ITGA4: variants seen among roughly 807,000 people sequenced by gnomAD.
ITGA4 encodes the protein integrin subunit alpha 4, also known as integrin alpha-4.
ITGA4 carries 63 observed loss-of-function variants against 133.6 expected under a neutral mutation model. The ratio of observed to expected loss-of-function variants is 0.47; its 90% CI spans 0.38 to 0.58. The LOEUF is 0.58. ITGA4 is among the 20% of genes least tolerant of loss of function. ITGA4 has a pLI of 0.00. For missense variants in ITGA4, 1,076 were observed against 1,252.7 expected (o/e 0.86, Z 2.13); for synonymous variants, 483 against 438.0 (o/e 1.10, Z -1.28).
At chr2:181,532,860 A>G (rs1686973288) in intron 25 of ITGA4, among the ~76,000 whole-genome samples, 1 of 152,172 alleles carries the variant, frequency 6.6e-6, no homozygotes, top group Non-Finnish European at 1.5e-5. Flanking sequence ...CCCATTCAGT[A>G]TGATATTGGC....
chr2:181,509,532 G>T, intron 15 of ITGA4, 126 bp from the exon 16 acceptor site: 1 of 535,148 alleles, frequency 1.9e-6, no homozygotes, highest in Non-Finnish European at 3.1e-6. Context: ...TAACGGTTTA[G>T]ATAAAAGATA....
rs1007677551 is a variant in ITGA4, at chr2:181,474,995, T to G, written c.355T>G (p.Leu119Val). The G allele has an allele frequency of 6.2e-7, 1 of 1,613,906 alleles. No individual in the cohort carries two copies. The highest frequency in any genetic ancestry group is 1.3e-5 in the African/African-American group (1 of 74,920). ...PNGEPCGKTC[L>V]EERDNQWLGV... Reference sequence around the variant, plus strand: ...TGGAGAACCTTGTGGAAAGACTTGTTTGGAAGAGAGAGACAATCAGTGGTT... The same window carrying G: ...TGGAGAACCTTGTGGAAAGACTTGTGTGGAAGAGAGAGACAATCAGTGGTT... The change falls in exon 3 of 28, where the codon TTG (leucine) becomes GTG (valine). Residue 119 changes from leucine (L) to valine (V), a missense_variant. Coordinates refer to ENST00000397033, the MANE Select transcript of ITGA4 (RefSeq NM_000885.6).
chr2:181,525,017 TGA>T (rs1243464250), intron 20 of ITGA4, among the ~76,000 whole-genome samples, 183 bp from the exon 21 acceptor site: 11 of 152,060 alleles, frequency 7.2e-5, no homozygotes, highest in Non-Finnish European at 1.6e-4. Flanking sequence ...GTTTAAATAA[TGA>T]GAGAAATTTT....
Position 181,537,930 on chromosome 2 carries a change from A to C in ITGA4, c.*2403A>C, listed in dbSNP as rs774086614. 2.3e-5 allele frequency: 14 copies of C among 598,838 alleles called. No homozygotes were observed. Among genetic ancestry groups the C allele is most frequent in the Non-Finnish European group, 4.1e-5 (13 of 318,182 alleles). 37.1% of individuals were successfully genotyped at this position (598,838 alleles called of 1,614,324 possible). A position where few individuals can be genotyped will look rare whatever the true frequency, so the allele number is the denominator to read the frequency against. On this transcript the variant is annotated 3_prime_UTR_variant, in exon 28 of 28. Transcript: ENST00000397033. Reference sequence around the variant, plus strand: ...CCCCTGTCAGATCAGCAGCAGCATTAGATTCTCATAGAAGTGCGAACCATA... The same window carrying C: ...CCCCTGTCAGATCAGCAGCAGCATTCGATTCTCATAGAAGTGCGAACCATA...
rs145274040 is a variant in ITGA4, at chr2:181,536,543, C to CTTTACAAGTATAAGTGTTTG, written c.*1034_*1035insTGTTTACAAGTATAAGTGTT. On this transcript the variant is annotated 3_prime_UTR_variant, in exon 28 of 28. Coordinates refer to ENST00000397033, the MANE Select transcript of ITGA4 (RefSeq NM_000885.6). ...TCCTTGGATGTAATTCTTTGTTACC[C>CTTTACAAGTATAAGTGTTTG]TTTACAAGTATAAGTGTTACCTTAC... 1 of 156,600 alleles carries CTTTACAAGTATAAGTGTTTG rather than the reference C, an allele frequency of 6.4e-6. No individual in the cohort carries two copies. Among genetic ancestry groups the CTTTACAAGTATAAGTGTTTG allele is most frequent in the Non-Finnish European group, 1.4e-5 (1 of 71,338 alleles). 9.7% of individuals were successfully genotyped at this position (156,600 alleles called of 1,614,324 possible).
chr2:181,480,899 AC>A (rs1685786075), intron 6 of ITGA4, among the ~76,000 whole-genome samples: 2 of 152,160 alleles, frequency 1.3e-5, no homozygotes, highest in South Asian at 4.1e-4. Context: ...AGAAATGCAA[AC>A]TTTTCTGGCA....
chr2:181,538,224 C>CTGAT lies in ITGA4; in HGVS notation c.*2698_*2701dup, dbSNP rs762150607. 4 of 1,592,744 alleles carry CTGAT rather than the reference C, an allele frequency of 2.5e-6. No homozygotes were observed. The Admixed American group carries it at 6.7e-5, about 27-fold the overall frequency. Reference sequence around the variant, plus strand: ...TTCTTCCATGCTTCCTCCATAAAGACTGATAAGTCTTGGATGCAATCTGTA... The same window carrying CTGAT: ...TTCTTCCATGCTTCCTCCATAAAGACTGATTGATAAGTCTTGGATGCAATCTGTA... On this transcript the variant is annotated 3_prime_UTR_variant, in exon 28 of 28. Transcript: ENST00000397033.
At chr2:181,478,922 G>T in intron 5 of ITGA4, 98 bp downstream of exon 5, 1 of 557,634 alleles carries the variant, frequency 1.8e-6, no homozygotes. Flanking sequence ...TAAAAATTGT[G>T]TAACATCTTC....
chr2:181,470,537 T>C (rs937429146), intron 2 of ITGA4, among the ~76,000 whole-genome samples: 1 of 151,884 alleles, frequency 6.6e-6, no homozygotes, highest in Non-Finnish European at 1.5e-5. Flanking sequence ...CAAGTGGAGG[T>C]ACTGGTTTCA....
chr2:181,480,510 G>C (rs1685778395), intron 6 of ITGA4, among the ~76,000 whole-genome samples: 1 of 152,028 alleles, frequency 6.6e-6, no homozygotes, highest in Non-Finnish European at 1.5e-5. Context: ...TCCTAGTTTA[G>C]TTTACTCTTT....
intron 10 of ITGA4, among the ~76,000 whole-genome samples, chr2:181,490,390 G>A (rs139979992): frequency 6.3e-4 from 96 of 151,590 alleles, no homozygotes; most frequent in African/African-American, 1.0e-3. Flanking sequence ...TGCCTGGCTT[G>A]TTTCATTTAA....
Position 181,536,076 on chromosome 2 carries a change from CAACAACCATT to C in ITGA4, c.*550_*559del, listed in dbSNP as rs933630174. The C allele has an allele frequency of 1.5e-4, 22 of 151,664 alleles. No individual in the cohort carries two copies. The highest frequency in any genetic ancestry group is 4.9e-4 in the African/African-American group (20 of 41,236). 9.4% of individuals were successfully genotyped at this position (151,664 alleles called of 1,614,324 possible). A position where few individuals can be genotyped will look rare whatever the true frequency, so the allele number is the denominator to read the frequency against. On this transcript the variant is annotated 3_prime_UTR_variant, in exon 28 of 28. Transcript: ENST00000397033. ...AATACATTTCCTACGGGCTGTGTTC[CAACAACCATT>C]TTTTTTCAGCAGACTATGAATATTA... is the stretch of plus-strand genomic sequence containing the variant.
intron 15 of ITGA4, among the ~76,000 whole-genome samples, chr2:181,503,119 C>A (rs945395005): frequency 6.6e-6 from 1 of 151,922 alleles, no homozygotes; most frequent in African/African-American, 2.4e-5. Flanking sequence ...AATACAAAAG[C>A]CCTTGGAGAC....
rs1279266444 is a variant in ITGA4, at chr2:181,537,706, C to T, written c.*2179C>T. On this transcript the variant is annotated 3_prime_UTR_variant, in exon 28 of 28. Transcript: ENST00000397033. ...AAATATTGATGTATTATGATGGTTG[C>T]AAAGTTTTTTTGTGTGTCCAATAAA... 1.2e-5 allele frequency: 5 copies of T among 423,996 alleles called. No homozygotes were observed. The East Asian group carries it at 2.9e-4, about 24-fold the overall frequency. The allele number at this position is 423,996 out of a possible 1,614,324, so 26.3% of individuals were successfully genotyped here.
intron 2 of ITGA4, among the ~76,000 whole-genome samples, chr2:181,468,202 A>C (rs1276225612): frequency 6.6e-6 from 1 of 152,140 alleles, no homozygotes; most frequent in Non-Finnish European, 1.5e-5. Context: ...CCACTCACAA[A>C]TCATCCTTTG....
Position 181,475,173 on chromosome 2 carries a change from A to G in ITGA4, c.441A>G (p.Arg147=). Residue 147 remains arginine, a synonymous_variant, in exon 4 of 28, where the codon AGA becomes AGG. Coordinates refer to ENST00000397033, the MANE Select transcript of ITGA4 (RefSeq NM_000885.6). ...ATTTTATTCAGACTTGTGGGCATAG[A>G]TGGAAAAATATATTTTACATAAAGA... ...ENGSIVTCGH[R]WKNIFYIKNE... is the part of the protein sequence containing the mutation. 6.2e-7 allele frequency: 1 copy of G among 1,613,604 alleles called. No homozygotes were observed. Among genetic ancestry groups the G allele is most frequent in the Non-Finnish European group, 8.5e-7 (1 of 1,179,638 alleles).
At chr2:181,461,826 A>G (rs910977794) in intron 2 of ITGA4, among the ~76,000 whole-genome samples, 1 of 152,198 alleles carries the variant, frequency 6.6e-6, no homozygotes, top group Non-Finnish European at 1.5e-5. Context: ...CACTAACCAC[A>G]GGTGGCTTTG....
At chr2:181,528,522 T>C (rs1686878618) in intron 22 of ITGA4, among the ~76,000 whole-genome samples, 1 of 152,360 alleles carries the variant, frequency 6.6e-6, no homozygotes, top group Non-Finnish European at 1.5e-5. Flanking sequence ...TAGATATTCT[T>C]AGAGGTTTAA....
rs1322347723 is a variant in ITGA4, at chr2:181,537,433, AC to A, written c.*1907del. On this transcript the variant is annotated 3_prime_UTR_variant, in exon 28 of 28. Transcript: ENST00000397033. ...GTATTTGTTATCAACTTACTTTGTT[AC>A]TTGTATCATGAATTTTAAAACCCTA... 2.2e-6 allele frequency: 1 copy of A among 453,926 alleles called. No homozygotes were observed. Among genetic ancestry groups the A allele is most frequent in the South Asian group, 1.6e-5 (1 of 64,460 alleles). The allele number at this position is 453,926 out of a possible 1,614,324, so 28.1% of individuals were successfully genotyped here. A position where few individuals can be genotyped will look rare whatever the true frequency, so the allele number is the denominator to read the frequency against.
Sources: gnomAD v4.1 joint callset for allele counts (sites outside exome capture counted in the v4.1 genomes callset) on GRCh38, gnomAD v4.1.1 for gene constraint, MANE v1.5 for transcripts, NCBI Gene and HGNC (gene_info 2026-07-23, HGNC 2026-07-21) for gene names.